The following FER variants were observed in gnomAD, a reference collection of about 807,000 sequenced individuals.
The protein encoded by FER is tyrosine-protein kinase Fer.
Under a neutral mutation model 111.0 loss-of-function variants are expected in FER, and 63 were observed. That is an observed-to-expected ratio of 0.57 (90% CI 0.46 to 0.70). The LOEUF is 0.70. Ranked by LOEUF, FER falls within the 30% of genes least tolerant of loss-of-function variation. The probability of loss-of-function intolerance (pLI) is 0.00; values close to 1 mark genes in which losing one functional copy is unlikely to be tolerated. For synonymous variants in FER, 327 were observed against 313.9 expected, an observed-to-expected ratio of 1.04 and a Z score of -0.44; for missense variants, 914 against 954.0, an observed-to-expected ratio of 0.96 and a Z score of 0.55.
intron 13 of FER, among the ~76,000 whole-genome samples, chr5:109,002,828 AGAAGACATTTTT>A (rs1286937243): frequency 9.2e-5 from 14 of 152,250 alleles, no homozygotes; most frequent in Non-Finnish European, 1.5e-4. Context: ...ACTTCTCAAA[AGAAGACATTTTT>A]GTATCCAAAA....
chr5:109,077,061 A>T (rs916501641), intron 16 of FER, among the ~76,000 whole-genome samples: 1 of 152,228 alleles, frequency 6.6e-6, no homozygotes, highest in African/African-American at 2.4e-5. Flanking sequence ...ACCATCATAA[A>T]TGTCAGCTAC....
chr5:109,152,270 A>AT (rs914949978), intron 17 of FER, among the ~76,000 whole-genome samples: 46 of 151,808 alleles, frequency 3.0e-4, no homozygotes, highest in Non-Finnish European at 4.6e-4. Context: ...GATGGTCTAG[A>AT]TTTTTTTTAA....
At chr5:108,992,787 C>T (rs1214354820) in intron 13 of FER, among the ~76,000 whole-genome samples, 1 of 146,696 alleles carries the variant, frequency 6.8e-6, no homozygotes, top group East Asian at 2.1e-4. Context: ...TCAGACGGGG[C>T]GGTTGCCAGG....
At chr5:109,067,848 G>A (rs1775300358) in intron 16 of FER, among the ~76,000 whole-genome samples, 1 of 152,096 alleles carries the variant, frequency 6.6e-6, no homozygotes, top group Non-Finnish European at 1.5e-5. Context: ...GAACTCAAGA[G>A]ATTTCTAGAA....
intron 17 of FER, among the ~76,000 whole-genome samples, chr5:109,179,716 A>G (rs1249611877): frequency 1.3e-5 from 2 of 152,146 alleles, no homozygotes; most frequent in African/African-American, 2.4e-5. Context: ...TTTACAATGT[A>G]TTATGTATTA....
chr5:108,897,569 GA>G, intron 9 of FER, 89 bp from the exon 10 acceptor site: 4 of 950,880 alleles, frequency 4.2e-6, no homozygotes, highest in Non-Finnish European at 4.3e-6. Context: ...TTATAAAAAT[GA>G]AATCAAAGAA....
chr5:108,858,574 A>G (rs909735197), intron 5 of FER, among the ~76,000 whole-genome samples: 21 of 151,294 alleles, frequency 1.4e-4, no homozygotes, highest in African/African-American at 5.1e-4. Context: ...AATTTTGTTT[A>G]TTTATTTCTA....
At chr5:108,992,471 A>G (rs1227940536) in intron 13 of FER, among the ~76,000 whole-genome samples, 1 of 146,892 alleles carries the variant, frequency 6.8e-6, no homozygotes, top group Non-Finnish European at 1.5e-5. Flanking sequence ...GGCGCCCCTC[A>G]CCTCCCGGAC....
chr5:109,001,012 A>G (rs1056564448), intron 13 of FER, among the ~76,000 whole-genome samples: 3 of 152,168 alleles, frequency 2.0e-5, no homozygotes, highest in African/African-American at 4.8e-5. Flanking sequence ...GCAATAATCA[A>G]TAGCTTACCA....
intron 16 of FER, among the ~76,000 whole-genome samples, chr5:109,083,712 G>A (rs1777244095): frequency 6.6e-6 from 1 of 151,886 alleles, no homozygotes; most frequent in South Asian, 2.1e-4. Flanking sequence ...CATTTCTCAG[G>A]GATGTATCTT....
intron 2 of FER, chr5:108,785,450 C>A (rs1754598368): frequency 1.7e-6 from 1 of 579,512 alleles, no homozygotes; most frequent in East Asian, 4.5e-5. Flanking sequence ...CAAGGCAGAA[C>A]CACCCCAGTG....
chr5:108,828,495 T>C (rs920595117), intron 3 of FER, among the ~76,000 whole-genome samples: 4 of 152,234 alleles, frequency 2.6e-5, no homozygotes, highest in Non-Finnish European at 1.5e-5. Context: ...AAAATTAAAT[T>C]ATTATCACTT....
rs749575816 is a variant in FER, at chr5:108,871,413, G to A, written c.714G>A (p.Glu238=). Residue 238 remains glutamate, a synonymous_variant, in exon 7 of 20, where the codon GAG becomes GAA. Coordinates refer to ENST00000281092, the MANE Select transcript of FER (RefSeq NM_005246.4). ...GCCAGATAACCAGTCTTGTCACAGA[G>A]GAAATAGTGAATGTCCATAAAGAGA... ...EYSQITSLVT[E]EIVNVHKEIQ... The A allele has an allele frequency of 5.6e-6, 9 of 1,611,632 alleles. No individual in the cohort carries two copies. The highest frequency in any genetic ancestry group is 4.4e-5 in the South Asian group (4 of 90,940).
At chr5:109,135,414 G>C (rs181763724) in intron 17 of FER, among the ~76,000 whole-genome samples, 1 of 152,254 alleles carries the variant, frequency 6.6e-6, no homozygotes, top group East Asian at 1.9e-4. Context: ...AGGCAGTCTG[G>C]CTCCAAGTTT....
intron 13 of FER, among the ~76,000 whole-genome samples, chr5:108,962,272 G>C (rs1759247023): frequency 6.6e-6 from 1 of 152,100 alleles, no homozygotes; most frequent in African/African-American, 2.4e-5. Context: ...TGTAAAGAGG[G>C]GTTATTAATC....
chr5:109,178,471 T>TAACAGTGA lies in FER; in HGVS notation c.2049-2273_2049-2266dup, dbSNP rs751056821. ...ATAGATATTACTCTGAAGAAAGTAC[T>TAACAGTGA]AACAGTGAAATCCTATACACGACTA... On this transcript the variant is annotated intron_variant, in intron 17 of 19. Coordinates refer to ENST00000281092, the MANE Select transcript of FER (RefSeq NM_005246.4). 1.6e-4 allele frequency among the ~76,000 whole-genome samples: 24 copies of TAACAGTGA among 152,224 alleles called. 1 individual carries two copies. Among genetic ancestry groups the TAACAGTGA allele is most frequent in the Admixed American group, 8.5e-4 (13 of 15,282 alleles).
intron 3 of FER, among the ~76,000 whole-genome samples, chr5:108,826,894 G>A (rs1253465258): frequency 1.3e-5 from 2 of 152,126 alleles, no homozygotes; most frequent in Non-Finnish European, 2.9e-5. Context: ...CCTCAATTCA[G>A]GGATTCCACA....
At chr5:109,085,803 G>A (rs1372208325) in intron 16 of FER, among the ~76,000 whole-genome samples, 1 of 151,678 alleles carries the variant, frequency 6.6e-6, no homozygotes, top group African/African-American at 2.4e-5. Context: ...TGTATCTATT[G>A]ATACGATTAC....
intron 13 of FER, among the ~76,000 whole-genome samples, chr5:109,017,047 G>T (rs538074090): frequency 1.3e-5 from 2 of 152,120 alleles, no homozygotes; most frequent in East Asian, 3.9e-4. Context: ...CCCAGTCTAT[G>T]ATACTTTGTT....
Sources: allele counts gnomAD v4.1 joint callset (sites outside exome capture counted in the v4.1 genomes callset), GRCh38; gene constraint gnomAD v4.1.1; transcripts MANE v1.5; gene names NCBI Gene and HGNC (gene_info 2026-07-23, HGNC 2026-07-21).